THSD4: variants seen among roughly 807,000 people sequenced by gnomAD.
THSD4 encodes thrombospondin type 1 domain containing 4.
THSD4 carries 69 observed loss-of-function variants against 119.0 expected under a neutral mutation model. The observed-to-expected ratio is 0.58, with a 90% confidence interval of 0.48 to 0.71. THSD4 has a LOEUF of 0.71. THSD4 is among the 30% of genes least tolerant of loss of function. THSD4 has a pLI of 0.00. For synonymous variants in THSD4, 524 were observed against 540.4 expected, an observed-to-expected ratio of 0.97 and a Z score of 0.42; for missense variants, 1,393 against 1,391.1, an observed-to-expected ratio of 1.00 and a Z score of -0.02.
intron 7 of THSD4, among the ~76,000 whole-genome samples, chr15:71,607,571 G>A (rs1409231474): frequency 3.9e-5 from 6 of 152,208 alleles, no homozygotes; most frequent in Non-Finnish European, 7.3e-5. Context: ...TATAATTGGG[G>A]AATGAGGAGG....
At chr15:71,566,057 AG>A (rs1282593205) in intron 7 of THSD4, among the ~76,000 whole-genome samples, 1 of 152,200 alleles carries the variant, frequency 6.6e-6, no homozygotes. Context: ...AGGAAATCCG[AG>A]GCCCAAGGAG....
chr15:71,717,101 T>G (rs1041238062), intron 8 of THSD4, among the ~76,000 whole-genome samples: 2 of 152,228 alleles, frequency 1.3e-5, no homozygotes, highest in Non-Finnish European at 2.9e-5. Context: ...CTTTTCCTCT[T>G]CCTAGTGATG....
At chr15:71,282,278 C>T (rs1024585280) in intron 6 of THSD4, among the ~76,000 whole-genome samples, 8 of 152,186 alleles carry the variant, frequency 5.3e-5, no homozygotes, top group Admixed American at 3.3e-4. Context: ...TAAACCGTGG[C>T]GTCCAGCAGT....
At chr15:71,405,945 T>C (rs768059853) in intron 6 of THSD4, among the ~76,000 whole-genome samples, 2 of 152,156 alleles carry the variant, frequency 1.3e-5, no homozygotes, top group Non-Finnish European at 2.9e-5. Flanking sequence ...AGAGTACTCA[T>C]TGATAGTAAA....
At chr15:71,483,559 T>C (rs1017290828) in intron 7 of THSD4, among the ~76,000 whole-genome samples, 2 of 152,056 alleles carry the variant, frequency 1.3e-5, no homozygotes, top group African/African-American at 4.8e-5. Flanking sequence ...GCCTTCGTTC[T>C]TTTTTTAATT....
intron 7 of THSD4, among the ~76,000 whole-genome samples, chr15:71,417,016 C>A (rs1240414045): frequency 9.2e-6 from 1 of 108,508 alleles, no homozygotes; most frequent in Non-Finnish European, 2.0e-5. Flanking sequence ...GCCTCAGCCT[C>A]CCAAAGTGCT....
intron 7 of THSD4, among the ~76,000 whole-genome samples, chr15:71,434,434 CTTTTTTTTTTTTT>C (rs34097873): frequency 1.2e-5 from 1 of 82,538 alleles, no homozygotes; most frequent in Non-Finnish European, 2.2e-5. Flanking sequence ...TCAGTGGTCC[CTTTTTTTTTTTTT>C]TTTTTTTTTT....
chr15:71,675,278 G>C (rs2051619381), intron 8 of THSD4, among the ~76,000 whole-genome samples: 1 of 152,168 alleles, frequency 6.6e-6, no homozygotes, highest in Non-Finnish European at 1.5e-5. Flanking sequence ...AGAAAAAAAA[G>C]AAAAGCAAAG....
chr15:71,505,297 CT>C, intron 7 of THSD4, among the ~76,000 whole-genome samples: 1 of 152,340 alleles, frequency 6.6e-6, no homozygotes, highest in Non-Finnish European at 1.5e-5. Flanking sequence ...CAATTATTCT[CT>C]TTTGCTTTAG....
chr15:71,419,557 G>T (rs561175333), intron 7 of THSD4, among the ~76,000 whole-genome samples: 1 of 107,610 alleles, frequency 9.3e-6, no homozygotes, highest in South Asian at 2.9e-4. Flanking sequence ...TCTTTAAGAT[G>T]CATCAATCGG....
intron 7 of THSD4, among the ~76,000 whole-genome samples, chr15:71,550,676 G>C (rs1183750441): frequency 6.6e-6 from 1 of 152,164 alleles, no homozygotes; most frequent in Non-Finnish European, 1.5e-5. Context: ...TCCTGACCTC[G>C]TGATCCGCCC....
intron 7 of THSD4, among the ~76,000 whole-genome samples, chr15:71,501,132 C>T (rs1022377342): frequency 2.0e-5 from 3 of 152,002 alleles, no homozygotes; most frequent in East Asian, 1.9e-4. Flanking sequence ...TTCCGTCCAG[C>T]GCAATTCTTT....
At chr15:71,171,222 A>G (rs2043359185) in intron 3 of THSD4, among the ~76,000 whole-genome samples, 1 of 152,142 alleles carries the variant, frequency 6.6e-6, no homozygotes, top group South Asian at 2.1e-4. Flanking sequence ...AAAAAATGGC[A>G]TCAAGTCACA....
intron 7 of THSD4, among the ~76,000 whole-genome samples, chr15:71,435,491 G>A (rs1294667190): frequency 6.6e-6 from 1 of 152,168 alleles, no homozygotes; most frequent in Admixed American, 6.5e-5. Context: ...TTTAAATTTA[G>A]AGAATTTCTT....
intron 7 of THSD4, among the ~76,000 whole-genome samples, chr15:71,636,608 C>T (rs1414084914): frequency 6.6e-6 from 1 of 152,166 alleles, no homozygotes; most frequent in Non-Finnish European, 1.5e-5. Flanking sequence ...GAAGCTCCCA[C>T]CACCTTCCGC....
intron 7 of THSD4, among the ~76,000 whole-genome samples, chr15:71,493,556 T>C (rs1404043698): frequency 6.6e-5 from 10 of 152,174 alleles, no homozygotes. Flanking sequence ...GCCATATGAC[T>C]AGTCTATATC....
intron 3 of THSD4, among the ~76,000 whole-genome samples, chr15:71,212,403 G>A (rs1266901312): frequency 1.3e-5 from 2 of 152,126 alleles, no homozygotes; most frequent in African/African-American, 4.8e-5. Context: ...TTTGGCAATA[G>A]GAACTAAATT....
intron 7 of THSD4, among the ~76,000 whole-genome samples, chr15:71,559,255 G>A (rs1166348179): frequency 6.6e-6 from 1 of 152,128 alleles, no homozygotes; most frequent in Non-Finnish European, 1.5e-5. Flanking sequence ...CTTGATGTTA[G>A]TGGCCACTCT....
intron 6 of THSD4, among the ~76,000 whole-genome samples, chr15:71,369,879 G>A (rs1285032268): frequency 6.6e-6 from 1 of 152,114 alleles, no homozygotes; most frequent in Non-Finnish European, 1.5e-5. Context: ...TTGTACCTCT[G>A]GTAGAATTCG....
Sources: allele counts gnomAD v4.1 joint callset (sites outside exome capture counted in the v4.1 genomes callset), GRCh38; gene constraint gnomAD v4.1.1; transcripts MANE v1.5; gene names NCBI Gene and HGNC (gene_info 2026-07-23, HGNC 2026-07-21).